The following ARSB variants were observed in gnomAD, a reference collection of about 807,000 sequenced individuals.
The protein encoded by ARSB is N-acetylgalactosamine-4-sulfatase.
In ARSB, 41 loss-of-function variants were observed where a neutral mutation model predicts 50.9. The observed-to-expected ratio is 0.81, with a 90% CI of 0.63 to 1.04. The LOEUF (loss-of-function observed/expected upper bound fraction) is 1.04, where lower values mean the gene tolerates loss of function less well. Ranked by LOEUF, ARSB falls within the 50% of genes least tolerant of loss-of-function variation. The pLI is 0.00. For synonymous variants in ARSB, 269 were observed against 284.8 expected (o/e 0.94, Z 0.56); for missense variants, 672 against 693.3 (o/e 0.97, Z 0.35).
chr5:78,830,567 G>A (rs1381434224), intron 6 of ARSB, among the ~76,000 whole-genome samples: 1 of 152,154 alleles, frequency 6.6e-6, no homozygotes, highest in African/African-American at 2.4e-5. Context: ...TGAAAGCCAG[G>A]ATGCCAGCAC....
intron 5 of ARSB, among the ~76,000 whole-genome samples, chr5:78,843,063 GCGGTGGAACCCAAGC>G (rs1745296380): frequency 6.6e-6 from 1 of 152,244 alleles, no homozygotes; most frequent in Non-Finnish European, 1.5e-5. Context: ...AAGATCACTG[GCGGTGGAACCCAAGC>G]ATTGGTACTT....
intron 6 of ARSB, among the ~76,000 whole-genome samples, chr5:78,831,969 T>C (rs567161332): frequency 6.6e-6 from 1 of 152,312 alleles, no homozygotes; most frequent in East Asian, 1.9e-4. Context: ...CAGCTGATGA[T>C]AAATTATTCA....
chr5:78,799,784 G>C (rs915262508), intron 6 of ARSB, among the ~76,000 whole-genome samples: 3 of 152,200 alleles, frequency 2.0e-5, no homozygotes, highest in African/African-American at 7.2e-5. Flanking sequence ...ACAGAGTCAA[G>C]GCAGATTTTG....
In ARSB at chr5:78,818,762, C is replaced by T. The variant is rs575765728; in HGVS notation, c.1213+20594G>A. Among the ~76,000 whole-genome samples, 20 of 152,028 alleles carry T rather than the reference C, an allele frequency of 1.3e-4. No homozygotes were observed. In the South Asian group the frequency reaches 3.5e-3, roughly 27 times the overall value. On this transcript the variant is annotated intron_variant, in intron 6 of 7. Coordinates refer to ENST00000264914, the MANE Select transcript of ARSB (RefSeq NM_000046.5). ...CCTCTTGAGTAGCTGGGACTTCAGG[C>T]GCCCGCTACCAGAAGGGACATGCTT...
At chr5:78,861,136 A>G (rs2112098880) in intron 5 of ARSB, among the ~76,000 whole-genome samples, 1 of 152,334 alleles carries the variant, frequency 6.6e-6, no homozygotes, top group South Asian at 2.1e-4. Context: ...TACCAACCAA[A>G]AACAGTCCAG....
chr5:78,855,473 C>T (rs1045584447), intron 5 of ARSB, among the ~76,000 whole-genome samples: 7 of 152,136 alleles, frequency 4.6e-5, no homozygotes, highest in Non-Finnish European at 2.9e-5. Flanking sequence ...AACAGTTGCT[C>T]GACTTGGGGA....
intron 6 of ARSB, among the ~76,000 whole-genome samples, chr5:78,791,218 G>A (rs932657280): frequency 9.2e-5 from 14 of 152,178 alleles, no homozygotes; most frequent in Non-Finnish European, 5.9e-5. Context: ...GGTTCTTGAG[G>A]AGTTTTCTAA....
intron 2 of ARSB, among the ~76,000 whole-genome samples, chr5:78,968,315 TTTATTATTA>T (rs138887783): frequency 0.013 from 1,832 of 143,150 alleles, 15 homozygotes; most frequent in East Asian, 0.02. Context: ...CATTTTTTAT[TTTATTATTA>T]TTATTATTAT....
At chr5:78,880,106 A>G (rs949571977) in intron 5 of ARSB, among the ~76,000 whole-genome samples, 5 of 152,184 alleles carry the variant, frequency 3.3e-5, no homozygotes, top group African/African-American at 1.2e-4. Flanking sequence ...CCCCTGTTCC[A>G]TAAGAGATTG....
intron 4 of ARSB, among the ~76,000 whole-genome samples, chr5:78,895,031 C>T (rs577605415): frequency 1.3e-5 from 2 of 152,178 alleles, no homozygotes; most frequent in Admixed American, 1.3e-4. Context: ...GATAAAAAAC[C>T]AAACCAACCA....
At chr5:78,863,529 T>C (rs1261060126) in intron 5 of ARSB, among the ~76,000 whole-genome samples, 1 of 149,214 alleles carries the variant, frequency 6.7e-6, no homozygotes, top group Non-Finnish European at 1.5e-5. Context: ...ACACTGCATG[T>C]TCTCACTCAT....
chr5:78,856,382 A>G (rs1746143796), intron 5 of ARSB, among the ~76,000 whole-genome samples: 1 of 152,222 alleles, frequency 6.6e-6, no homozygotes, highest in African/African-American at 2.4e-5. Context: ...CTTCCCCTTG[A>G]AAACAAGTCC....
At chr5:78,811,333 T>C (rs1188068946) in intron 6 of ARSB, among the ~76,000 whole-genome samples, 1 of 152,182 alleles carries the variant, frequency 6.6e-6, no homozygotes, top group African/African-American at 2.4e-5. Context: ...GGGATTCTGT[T>C]CTGGGTAGAG....
chr5:78,944,189 T>G (rs1232932564), intron 4 of ARSB, among the ~76,000 whole-genome samples: 3 of 152,230 alleles, frequency 2.0e-5, no homozygotes, highest in Admixed American at 6.5e-5. Context: ...CTAATCTTTT[T>G]TCAAGGTTTT....
intron 4 of ARSB, among the ~76,000 whole-genome samples, chr5:78,909,530 T>C (rs1434827337): frequency 6.6e-6 from 1 of 152,196 alleles, no homozygotes; most frequent in African/African-American, 2.4e-5. Context: ...ATGTGTTGTA[T>C]GGAATCAAGG....
intron 1 of ARSB, 143 bp downstream of exon 1, chr5:78,984,794 C>T (rs1190707568): frequency 1.0e-5 from 6 of 584,816 alleles, no homozygotes; most frequent in Non-Finnish European, 1.4e-5. Flanking sequence ...GAGGTTGGGG[C>T]GAGAAGCCGC....
At chr5:78,900,473 T>C (rs1421407763) in intron 4 of ARSB, among the ~76,000 whole-genome samples, 5 of 152,080 alleles carry the variant, frequency 3.3e-5, no homozygotes, top group Non-Finnish European at 7.4e-5. Flanking sequence ...TTGAGGGAGA[T>C]TTTCCACATG....
chr5:78,810,814 T>C (rs1580991690), intron 6 of ARSB, among the ~76,000 whole-genome samples: 1 of 152,318 alleles, frequency 6.6e-6, no homozygotes, highest in African/African-American at 2.4e-5. Context: ...CTGTGTTCAG[T>C]TGTGTCAGAA....
intron 6 of ARSB, among the ~76,000 whole-genome samples, chr5:78,786,907 A>C (rs1165204370): frequency 6.6e-6 from 1 of 151,888 alleles, no homozygotes; most frequent in Non-Finnish European, 1.5e-5. Context: ...ATACCCACCC[A>C]ATTTCATCCT....
Sources: allele counts gnomAD v4.1 joint callset (sites outside exome capture counted in the v4.1 genomes callset), GRCh38; gene constraint gnomAD v4.1.1; transcripts MANE v1.5; gene names NCBI Gene and HGNC (gene_info 2026-07-23, HGNC 2026-07-21).